ASAP2: variants seen among roughly 807,000 people sequenced by gnomAD.
ASAP2 encodes arf-GAP with SH3 domain, ANK repeat and PH domain-containing protein 2.
Under a neutral mutation model 131.4 loss-of-function variants are expected in ASAP2, and 45 were observed. The observed-to-expected ratio is 0.34, with a 90% CI of 0.27 to 0.44. ASAP2 has a LOEUF of 0.44. Ranked by LOEUF, ASAP2 falls within the 20% of genes least tolerant of loss-of-function variation. The pLI is 1.00. For synonymous variants in ASAP2, 510 were observed against 503.0 expected, an observed-to-expected ratio of 1.01 and a Z score of -0.19; for missense variants, 1,011 against 1,297.0, an observed-to-expected ratio of 0.78 and a Z score of 3.39.
At chr2:9,369,204 A>T (rs2148694552) in intron 16 of ASAP2, among the ~76,000 whole-genome samples, 1 of 152,148 alleles carries the variant, frequency 6.6e-6, no homozygotes, top group East Asian at 1.9e-4. Flanking sequence ...TTTTTAGTAG[A>T]GACAGAGTTT....
intron 3 of ASAP2, among the ~76,000 whole-genome samples, chr2:9,303,613 T>C (rs900340784): frequency 1.7e-4 from 26 of 152,228 alleles, no homozygotes; most frequent in African/African-American, 5.1e-4. Flanking sequence ...CATTTATAGT[T>C]GGAAATTCCT....
intron 1 of ASAP2, among the ~76,000 whole-genome samples, chr2:9,270,627 A>G (rs891055917): frequency 1.1e-4 from 16 of 151,182 alleles, no homozygotes; most frequent in African/African-American, 3.9e-4. Context: ...ATTATTGTTG[A>G]CCTTTGTCAC....
At chr2:9,297,270 A>C in intron 2 of ASAP2, 30 bp from the exon 3 acceptor site, 1 of 1,607,470 alleles carries the variant, frequency 6.2e-7, no homozygotes. Context: ...CATGCCTGAG[A>C]CTCACAGCAC....
chr2:9,256,800 A>G (rs974547185), intron 1 of ASAP2, among the ~76,000 whole-genome samples: 1 of 152,124 alleles, frequency 6.6e-6, no homozygotes, highest in African/African-American at 2.4e-5. Flanking sequence ...TTTTTAATCC[A>G]TTTCCTCTGT....
At position 9,257,559 on chromosome 2, in the gene ASAP2, C is replaced by T. The variant is rs1665251441; in HGVS notation, c.127-21758C>T. Among the ~76,000 whole-genome samples the T allele has an allele frequency of 2.6e-5, 4 of 152,336 alleles. No homozygotes were observed. The South Asian group carries it at 8.3e-4, about 32-fold the overall frequency. ...TTTGAGACAAGGTTTCTCTCTGTCA[C>T]TCAGGCTGGAGTGCAGTGGCACGAT... On this transcript the variant is annotated intron_variant, in intron 1 of 27. Coordinates refer to ENST00000281419, the MANE Select transcript of ASAP2 (RefSeq NM_003887.3).
intron 1 of ASAP2, among the ~76,000 whole-genome samples, chr2:9,274,190 A>T (rs543180461): frequency 6.6e-6 from 1 of 152,266 alleles, no homozygotes; most frequent in South Asian, 2.1e-4. Flanking sequence ...TCATCTGCAA[A>T]CAAGGCTAAT....
At chr2:9,223,318 G>A (rs1377815589) in intron 1 of ASAP2, among the ~76,000 whole-genome samples, 2 of 152,184 alleles carry the variant, frequency 1.3e-5, no homozygotes, top group African/African-American at 2.4e-5. Context: ...TTTAGTCATA[G>A]CTGATAGGAA....
chr2:9,331,038 T>G (rs578204754), intron 7 of ASAP2, among the ~76,000 whole-genome samples: 1 of 152,360 alleles, frequency 6.6e-6, no homozygotes, highest in African/African-American at 2.4e-5. Context: ...CTCGCAGCCG[T>G]GCGTGTTTCC....
rs1661155690 is a variant in ASAP2 at position 9,207,035 on chromosome 2, C to CGGAGCCTGCTGCGGCAGTT, written c.-68_-50dup. 5 of 1,227,600 alleles carry CGGAGCCTGCTGCGGCAGTT rather than the reference C, an allele frequency of 4.1e-6. No individual in the cohort carries two copies. Among genetic ancestry groups the CGGAGCCTGCTGCGGCAGTT allele is most frequent in the Non-Finnish European group, 5.1e-6 (5 of 975,030 alleles). The allele number at this position is 1,227,600 out of a possible 1,614,324, so 76.0% of individuals were successfully genotyped here. A position where few individuals can be genotyped will look rare whatever the true frequency, so the allele number is the denominator to read the frequency against. On this transcript the variant is annotated 5_prime_UTR_variant, in exon 1 of 28. Transcript: ENST00000281419. The surrounding 1 kb of genome is among the most constrained non-coding windows in gnomAD (Gnocchi z 4.1). ...GCAGCGGCGGTGTCCGAGCGGCGGT[C>CGGAGCCTGCTGCGGCAGTT]GGAGCCTGCTGCGGCAGTTGAGGCG...
intron 1 of ASAP2, among the ~76,000 whole-genome samples, chr2:9,258,760 GAC>G (rs1665358113): frequency 1.3e-5 from 2 of 152,338 alleles, no homozygotes; most frequent in African/African-American, 4.8e-5. Flanking sequence ...CTTCAGAGCA[GAC>G]AGCATTCTGG....
intron 8 of ASAP2, 34 bp downstream of exon 8, chr2:9,334,847 C>G: frequency 6.4e-7 from 1 of 1,568,680 alleles, no homozygotes. Flanking sequence ...GGTTTAAAAC[C>G]ATCTTAATGC....
At chr2:9,222,584 T>C (rs531812800) in intron 1 of ASAP2, among the ~76,000 whole-genome samples, 1 of 152,350 alleles carries the variant, frequency 6.6e-6, no homozygotes, top group South Asian at 2.1e-4. Flanking sequence ...TCTTCTCACC[T>C]TGTAAATTCT....
intron 3 of ASAP2, among the ~76,000 whole-genome samples, chr2:9,302,553 C>T (rs1006176735): frequency 2.0e-5 from 3 of 152,140 alleles, no homozygotes; most frequent in South Asian, 4.1e-4. Context: ...TGGCTCACTG[C>T]AGCCTCCGCC....
intron 20 of ASAP2, among the ~76,000 whole-genome samples, chr2:9,382,704 T>TG (rs1384327345): frequency 2.0e-5 from 3 of 152,208 alleles, no homozygotes; most frequent in African/African-American, 4.8e-5. Flanking sequence ...CCTGTTGTTT[T>TG]GGGGAAAACT....
chr2:9,246,307 T>C (rs1244709737), intron 1 of ASAP2, among the ~76,000 whole-genome samples: 4 of 152,174 alleles, frequency 2.6e-5, no homozygotes, highest in African/African-American at 9.7e-5. Flanking sequence ...ATTTTTAAAT[T>C]TTTTACAGAC....
intron 2 of ASAP2, among the ~76,000 whole-genome samples, chr2:9,284,797 G>T (rs775343235): frequency 6.6e-6 from 1 of 152,196 alleles, no homozygotes; most frequent in Non-Finnish European, 1.5e-5. Flanking sequence ...TGCTTTCTTA[G>T]TGTAGGAGGG....
intron 3 of ASAP2, among the ~76,000 whole-genome samples, chr2:9,308,396 C>T (rs549374336): frequency 3.2e-4 from 48 of 152,290 alleles, no homozygotes; most frequent in Non-Finnish European, 5.1e-4. Flanking sequence ...ACTTCACCCC[C>T]GTGATTGAGT....
In ASAP2 at chr2:9,394,466, A is replaced by C. The variant is rs183428673; in HGVS notation, c.2684+819A>C. ...GGCGTGAGCCACTGCACCAGGCCCC[A>C]GTTCGTGGCTCTTAATCTGGATCTT... is the stretch of plus-strand genomic sequence containing the variant. On this transcript the variant is annotated intron_variant, in intron 24 of 27. Transcript: ENST00000281419. Among the ~76,000 whole-genome samples, 133 of 152,128 alleles carry C rather than the reference A, an allele frequency of 8.7e-4. 2 individuals are homozygous for C. The South Asian group carries it at 0.013, about 15-fold the overall frequency.
intron 1 of ASAP2, among the ~76,000 whole-genome samples, chr2:9,275,363 G>A (rs746097486): frequency 1.3e-5 from 2 of 152,094 alleles, no homozygotes; most frequent in Admixed American, 6.5e-5. Context: ...GTGAGCTACC[G>A]CATCCAGCCT....
Sources: gnomAD v4.1 joint callset for allele counts (sites outside exome capture counted in the v4.1 genomes callset) on GRCh38, gnomAD v4.1.1 for gene constraint, Gnocchi (gnomAD v3.1) non-coding constraint, MANE v1.5 for transcripts, NCBI Gene and HGNC (gene_info 2026-07-23, HGNC 2026-07-21) for gene names.